The following MBD5 variants were observed in gnomAD, a reference collection of about 807,000 sequenced individuals.
MBD5 encodes the protein methyl-CpG binding domain protein 5.
Under a neutral mutation model 117.3 loss-of-function variants are expected in MBD5, and 13 were observed. The observed-to-expected ratio is 0.11, with a 90% CI of 0.07 to 0.18. MBD5 has a LOEUF of 0.18. Among genes scored for constraint, MBD5 ranks in the 10% least tolerant of loss-of-function variants. The pLI is 1.00. For missense variants in MBD5, 1,879 were observed against 2,093.8 expected (o/e 0.90, Z 2.00); for synonymous variants, 727 against 766.4 (o/e 0.95, Z 0.85).
At chr2:148,512,663 A>G (rs932665864) in intron 13 of MBD5, among the ~76,000 whole-genome samples, 3 of 152,148 alleles carry the variant, frequency 2.0e-5, no homozygotes, top group Non-Finnish European at 4.4e-5. Flanking sequence ...ACTGCTTATC[A>G]GTTTCTAGCA....
chr2:148,508,738 A>T (rs1184508135), intron 12 of MBD5, among the ~76,000 whole-genome samples: 1 of 152,152 alleles, frequency 6.6e-6, no homozygotes, highest in Non-Finnish European at 1.5e-5. Context: ...CAATACACTA[A>T]TTTTTCCCTT....
chr2:148,139,054 T>C (rs1055530233), intron 1 of MBD5, among the ~76,000 whole-genome samples: 5 of 152,228 alleles, frequency 3.3e-5, no homozygotes, highest in Non-Finnish European at 7.3e-5. Context: ...TATATTGTTT[T>C]AGAGAAATTT....
intron 2 of MBD5, among the ~76,000 whole-genome samples, chr2:148,184,391 C>A (rs933245062): frequency 1.3e-5 from 2 of 152,030 alleles, no homozygotes; most frequent in Non-Finnish European, 2.9e-5. Context: ...TTTTCTATAT[C>A]CTTGTTCTTA....
chr2:148,336,680 C>T (rs1702798221), intron 3 of MBD5, among the ~76,000 whole-genome samples: 1 of 152,222 alleles, frequency 6.6e-6, no homozygotes, highest in Admixed American at 6.5e-5. Context: ...AGCCACCATA[C>T]CTGGCCTCTT....
At chr2:148,281,779 G>T (rs1437151726) in intron 3 of MBD5, among the ~76,000 whole-genome samples, 1 of 151,992 alleles carries the variant, frequency 6.6e-6, no homozygotes, top group Non-Finnish European at 1.5e-5. Flanking sequence ...TCCCTCCTCT[G>T]TCTTCCTGGT....
chr2:148,114,659 G>A (rs1269211187), intron 1 of MBD5, among the ~76,000 whole-genome samples: 3 of 152,084 alleles, frequency 2.0e-5, no homozygotes, highest in Non-Finnish European at 4.4e-5. Flanking sequence ...GTTGGTTAAA[G>A]GTCTGGACGT....
chr2:148,162,568 T>C (rs902202230), intron 1 of MBD5, among the ~76,000 whole-genome samples: 4 of 152,214 alleles, frequency 2.6e-5, no homozygotes, highest in Non-Finnish European at 4.4e-5. Flanking sequence ...TTTCTTTTTT[T>C]GTGACACAAA....
At chr2:148,451,348 A>C (rs1048582516) in intron 4 of MBD5, among the ~76,000 whole-genome samples, 1 of 152,192 alleles carries the variant, frequency 6.6e-6, no homozygotes, top group Admixed American at 6.6e-5. Context: ...AGTTTAAAAA[A>C]TATGAAAAAA....
At position 148,513,054 on chromosome 2, in the gene MBD5, G is replaced by A; in HGVS notation, c.*113G>A. The A allele has an allele frequency of 9.3e-7, 1 of 1,074,594 alleles. No homozygotes were observed. Among genetic ancestry groups the A allele is most frequent in the Non-Finnish European group, 1.4e-6 (1 of 707,270 alleles). 66.6% of individuals were successfully genotyped at this position (1,074,594 alleles called of 1,614,324 possible). ...ATCAATATTTAGACTATGGCAGATA[G>A]CTACCACCACCACAGGGTGCTAAAA... On this transcript the variant is annotated 3_prime_UTR_variant, in exon 14 of 14. Transcript: ENST00000642680.
At chr2:148,286,886 C>T (rs1313758846) in intron 3 of MBD5, among the ~76,000 whole-genome samples, 1 of 152,108 alleles carries the variant, frequency 6.6e-6, no homozygotes, top group Admixed American at 6.6e-5. Flanking sequence ...TATTTAAATG[C>T]AAGTTATAAT....
chr2:148,469,269 C>T lies in MBD5; in HGVS notation c.1326C>T (p.Pro442=), dbSNP rs190279556. 23 of 1,613,904 alleles carry T rather than the reference C, an allele frequency of 1.4e-5. No homozygotes were observed. Among genetic ancestry groups the T allele is most frequent in the Non-Finnish European group, 1.8e-5 (21 of 1,179,944 alleles). Residue 442 remains proline (P), a synonymous_variant, in exon 8 of 14, where the codon CCC becomes CCT. Transcript: ENST00000642680. ...TGTCCCCTTCTCCAGTGACATCCCC[C>T]GTGCACATGATGGGGACTGGAATTG... The part of the protein sequence containing the change: ...TSLSPSPVTS[P]VHMMGTGIGR...
intron 3 of MBD5, among the ~76,000 whole-genome samples, chr2:148,296,863 A>ATTTTTTTTTTTTTTT (rs1559010681): frequency 0.013 from 474 of 37,612 alleles, 8 homozygotes; most frequent in Middle Eastern, 0.031. Flanking sequence ...TTAGTTCTTC[A>ATTTTTTTTTTTTTTT]ATTTTTTTTT....
intron 1 of MBD5, among the ~76,000 whole-genome samples, chr2:148,124,308 C>CA (rs1359911619): frequency 2.0e-5 from 3 of 151,552 alleles, no homozygotes; most frequent in African/African-American, 7.3e-5. Flanking sequence ...AACACACACA[C>CA]ACACAAAAAA....
chr2:148,452,051 T>C (rs760246082), intron 4 of MBD5, among the ~76,000 whole-genome samples: 6 of 151,996 alleles, frequency 3.9e-5, no homozygotes, highest in Non-Finnish European at 5.9e-5. Context: ...TAATATCACA[T>C]GACTCAAAAA....
chr2:148,120,886 A>C (rs185630308), intron 1 of MBD5, among the ~76,000 whole-genome samples: 129 of 152,338 alleles, frequency 8.5e-4, no homozygotes, highest in African/African-American at 3.0e-3. Context: ...ATCAATAAGC[A>C]TGATGGCTAT....
intron 3 of MBD5, among the ~76,000 whole-genome samples, chr2:148,243,046 A>G (rs1314952187): frequency 6.6e-6 from 1 of 152,166 alleles, no homozygotes; most frequent in Non-Finnish European, 1.5e-5. Context: ...GCCTTTTCAA[A>G]TAGAAGCCCA....
chr2:148,244,309 T>C (rs1478408254), intron 3 of MBD5: 1 of 152,094 alleles, frequency 6.6e-6, no homozygotes, highest in African/African-American at 2.4e-5. Flanking sequence ...AAGAGTTTAG[T>C]TGAGAAATTA....
chr2:148,081,681 T>G (rs1309176179), intron 1 of MBD5, among the ~76,000 whole-genome samples: 1 of 152,128 alleles, frequency 6.6e-6, no homozygotes, highest in Non-Finnish European at 1.5e-5. Flanking sequence ...TTTTTTCAAA[T>G]GGACCCTGTG....
intron 1 of MBD5, chr2:148,056,222 CT>C (rs1694860305): frequency 6.6e-6 from 1 of 152,052 alleles, no homozygotes; most frequent in Non-Finnish European, 1.5e-5. Flanking sequence ...ACTAAACATT[CT>C]TTTTAAATCT....
Sources: gnomAD v4.1 joint callset for allele counts (sites outside exome capture counted in the v4.1 genomes callset) on GRCh38, gnomAD v4.1.1 for gene constraint, MANE v1.5 for transcripts, NCBI Gene and HGNC (gene_info 2026-07-23, HGNC 2026-07-21) for gene names.